Variants in NOSTRIN observed in about 807,000 individuals in gnomAD.
NOSTRIN encodes the protein BM247 homolog.
Under a neutral mutation model 59.0 loss-of-function variants are expected in NOSTRIN, and 63 were observed. The ratio of observed to expected loss-of-function variants is 1.07; its 90% CI spans 0.87 to 1.32. NOSTRIN has a LOEUF of 1.32. Ranked by LOEUF, NOSTRIN falls within the 40% of genes most tolerant of loss-of-function variation. The pLI, the probability that NOSTRIN is intolerant of heterozygous loss-of-function variation, is 0.00. For synonymous variants in NOSTRIN, 200 were observed against 165.4 expected (o/e 1.21, Z -1.61); for missense variants, 512 against 473.1 (o/e 1.08, Z -0.76).
chr2:168,856,709 A>C lies in NOSTRIN; in HGVS notation c.984A>C (p.Lys328Asn), dbSNP rs937561817. 1 of 1,614,150 alleles carries C rather than the reference A, an allele frequency of 6.2e-7. No individual in the cohort carries two copies. The highest frequency in any genetic ancestry group is 1.3e-5 in the African/African-American group (1 of 75,042). The change falls in exon 12 of 16, where the codon AAA becomes AAC. Residue 328 changes from lysine to asparagine, a missense_variant. Physicochemically the swap from Lys to Asn is moderately conservative, Grantham distance 94 (BLOSUM62 0). Transcript: ENST00000317647. ...TTTCAGGCCTGGAACGAATGCTTAA[A>C]ACGTACTCCAGCACCTCCTCCTTCT... is the stretch of plus-strand genomic sequence containing the variant. ...KDKEGLERML[K>N]TYSSTSSFSD...
At chr2:168,843,200 A>G (rs73032218) in intron 8 of NOSTRIN, 83 bp downstream of exon 8, 17,707 of 769,894 alleles carry the variant, frequency 0.023, 1,432 homozygotes, top group African/African-American at 0.21. Flanking sequence ...CAGTGACAAG[A>G]CCTGCCCTCT....
At chr2:168,861,481 GT>G (rs1007798321) in intron 14 of NOSTRIN, among the ~76,000 whole-genome samples, 1 of 149,234 alleles carries the variant, frequency 6.7e-6, no homozygotes, top group Non-Finnish European at 1.5e-5. Context: ...TTAGAAATTG[GT>G]TTAAAAAAAA....
intron 7 of NOSTRIN, among the ~76,000 whole-genome samples, chr2:168,837,269 C>CT (rs201670059): frequency 1.2e-3 from 92 of 78,180 alleles, no homozygotes; most frequent in African/African-American, 3.5e-3. Flanking sequence ...TACAATACAT[C>CT]TTTTTTTTTT....
At chr2:168,854,188 T>A (rs776927142) in intron 10 of NOSTRIN, among the ~76,000 whole-genome samples, 13 of 152,238 alleles carry the variant, frequency 8.5e-5, no homozygotes, top group Non-Finnish European at 1.6e-4. Flanking sequence ...AAGACACTTT[T>A]GTAATGTGCA....
upstream of NOSTRIN, chr2:168,801,335 C>T (rs1420244957): frequency 6.6e-6 from 1 of 150,912 alleles, no homozygotes; most frequent in Non-Finnish European, 1.5e-5. Flanking sequence ...ATCCTTCTGC[C>T]TCAACCTCTT....
At chr2:168,857,052 T>C (rs1165593010) in intron 12 of NOSTRIN, among the ~76,000 whole-genome samples, 2 of 151,224 alleles carry the variant, frequency 1.3e-5, no homozygotes, top group Non-Finnish European at 2.9e-5. Context: ...CTAGAAACCA[T>C]GTGCACTTTA....
chr2:168,820,354 C>T (rs975330620), intron 2 of NOSTRIN, among the ~76,000 whole-genome samples: 1 of 152,072 alleles, frequency 6.6e-6, no homozygotes, highest in African/African-American at 2.4e-5. Flanking sequence ...AGGAAATATA[C>T]CTATAACACC....
upstream of NOSTRIN, chr2:168,802,572 A>G: frequency 2.4e-6 from 2 of 842,910 alleles, no homozygotes; most frequent in East Asian, 2.5e-5. Context: ...GAAGTCCAGG[A>G]CACACCCAAC....
chr2:168,841,235 C>CAAAAAAAAAAAAAAAAAAAAAAAAAA (rs57480764), intron 7 of NOSTRIN, among the ~76,000 whole-genome samples: 2 of 106,588 alleles, frequency 1.9e-5, no homozygotes, highest in African/African-American at 7.0e-5. Flanking sequence ...ACCCTGTCTC[C>CAAAAAAAAAAAAAAAAAAAAAAAAAA]AAAAAAAAAA....
chr2:168,796,800 C>T (rs1685489701), upstream of NOSTRIN, among the ~76,000 whole-genome samples: 1 of 152,038 alleles, frequency 6.6e-6, no homozygotes, highest in Non-Finnish European at 1.5e-5. Flanking sequence ...GAGTTCCTGC[C>T]CAGAAGGTCA....
chr2:168,847,262 A>T (rs1465463357), intron 8 of NOSTRIN, among the ~76,000 whole-genome samples: 1 of 152,208 alleles, frequency 6.6e-6, no homozygotes, highest in Non-Finnish European at 1.5e-5. Context: ...AAATATATCA[A>T]TATGTTAATA....
At chr2:168,827,915 T>C (rs1473144182) in intron 3 of NOSTRIN, among the ~76,000 whole-genome samples, 2 of 151,576 alleles carry the variant, frequency 1.3e-5, no homozygotes, top group Non-Finnish European at 2.9e-5. Context: ...TATACAGATA[T>C]GAAATAGGAA....
chr2:168,789,888 A>G (rs182245416), intron 2 of NOSTRIN, among the ~76,000 whole-genome samples: 1 of 152,214 alleles, frequency 6.6e-6, no homozygotes, highest in Admixed American at 6.5e-5. Context: ...ACTTGGAAAA[A>G]CTGGTCTCAT....
In NOSTRIN at chr2:168,831,488, A is replaced by G. The variant is rs748381424; in HGVS notation, c.359A>G (p.Glu120Gly). ...TTTCAATAGCTTGACAATGAAGTTG[A>G]AAAGACAGCAAATCTTGTCATTAGC... ...KKRKSLDNEV[E>G]KTANLVISNW... The change falls in exon 6 of 16, where the codon GAA becomes GGA. Residue 120 changes from glutamate to glycine, a missense_variant. Physicochemically the swap from Glu to Gly is moderately conservative, Grantham distance 98. Coordinates refer to ENST00000317647, the MANE Select transcript of NOSTRIN (RefSeq NM_001039724.4). 11 of 866,632 alleles carry G rather than the reference A, an allele frequency of 1.3e-5. No individual in the cohort carries two copies. The highest frequency in any genetic ancestry group is 2.0e-5 in the Non-Finnish European group (10 of 496,556). The allele number at this position is 866,632 out of a possible 1,614,324, so 53.7% of individuals were successfully genotyped here.
At chr2:168,822,181 A>G (rs757955571) in intron 2 of NOSTRIN, among the ~76,000 whole-genome samples, 4 of 152,226 alleles carry the variant, frequency 2.6e-5, no homozygotes, top group Non-Finnish European at 2.9e-5. Flanking sequence ...TGAGATATTT[A>G]TTGACTGGCT....
At chr2:168,846,534 C>T (rs1401712893) in intron 8 of NOSTRIN, among the ~76,000 whole-genome samples, 2 of 152,092 alleles carry the variant, frequency 1.3e-5, no homozygotes, top group Non-Finnish European at 2.9e-5. Flanking sequence ...ATTCCACAAA[C>T]CACATGTCAA....
At chr2:168,823,932 G>A (rs540393462) in intron 2 of NOSTRIN, among the ~76,000 whole-genome samples, 15 of 152,120 alleles carry the variant, frequency 9.9e-5, no homozygotes, top group African/African-American at 2.2e-4. Flanking sequence ...AAAATTAGCC[G>A]GGCATTGTGG....
intron 2 of NOSTRIN, among the ~76,000 whole-genome samples, chr2:168,793,116 A>G (rs1023659120): frequency 6.6e-6 from 1 of 152,122 alleles, no homozygotes. Flanking sequence ...CCACTCCCTC[A>G]TTACTTATCC....
upstream of NOSTRIN, chr2:168,798,222 G>A (rs1574249361): frequency 2.0e-5 from 3 of 152,204 alleles, no homozygotes; most frequent in East Asian, 5.8e-4. Context: ...CCTGACACGT[G>A]GTATGTCCTT....
Sources: allele counts gnomAD v4.1 joint callset (sites outside exome capture counted in the v4.1 genomes callset), GRCh38; gene constraint gnomAD v4.1.1; transcripts MANE v1.5; gene names NCBI Gene and HGNC (gene_info 2026-07-23, HGNC 2026-07-21).